The following RGS17 variants were observed in gnomAD, a reference collection of about 807,000 sequenced individuals.
The protein encoded by RGS17 is regulator of G protein signaling 17, also known as regulator of G-protein signaling 17.
A neutral mutation model predicts 25.5 loss-of-function variants in RGS17; 12 were observed. The observed-to-expected ratio is 0.47, with a 90% confidence interval of 0.30 to 0.76. The LOEUF (loss-of-function observed/expected upper bound fraction) is 0.76. Ranked by LOEUF, RGS17 falls within the 30% of genes least tolerant of loss-of-function variation. The pLI is 0.07. For missense variants in RGS17, 196 were observed against 242.2 expected (o/e 0.81, Z 1.27); for synonymous variants, 71 against 76.9 (o/e 0.92, Z 0.40).
intron 1 of RGS17, among the ~76,000 whole-genome samples, chr6:153,111,091 G>T (rs1777462919): frequency 1.3e-5 from 2 of 152,040 alleles, no homozygotes; most frequent in Non-Finnish European, 2.9e-5. Flanking sequence ...CAGTGAGACA[G>T]AACTGTTCAC....
At chr6:153,098,203 A>G (rs1262153736) in intron 1 of RGS17, among the ~76,000 whole-genome samples, 2 of 152,260 alleles carry the variant, frequency 1.3e-5, no homozygotes, top group East Asian at 3.9e-4. Context: ...AAAAGAGGGA[A>G]ATATAGAGTC....
intron 1 of RGS17, among the ~76,000 whole-genome samples, chr6:153,077,951 G>A (rs1442808748): frequency 6.6e-6 from 1 of 151,596 alleles, no homozygotes; most frequent in Admixed American, 6.6e-5. Flanking sequence ...TCAGCTCAAC[G>A]CAACCTCTGC....
chr6:153,091,402 A>G (rs901859926), intron 1 of RGS17, among the ~76,000 whole-genome samples: 1 of 152,208 alleles, frequency 6.6e-6, no homozygotes, highest in African/African-American at 2.4e-5. Flanking sequence ...GTCTTCATTA[A>G]TGGCTGTTGA....
intron 4 of RGS17, among the ~76,000 whole-genome samples, 180 bp from the exon 5 acceptor site, chr6:153,011,942 C>A (rs1584116255): frequency 1.3e-5 from 1 of 74,970 alleles, no homozygotes; most frequent in Non-Finnish European, 2.8e-5. Flanking sequence ...AAAATTTGCA[C>A]TAAATAAAAA....
intron 1 of RGS17, among the ~76,000 whole-genome samples, chr6:153,107,060 T>G (rs1364856256): frequency 1.3e-5 from 2 of 151,772 alleles, no homozygotes; most frequent in Admixed American, 6.6e-5. Context: ...AAGCCGGGCA[T>G]GGTGGCTCAC....
chr6:153,131,234 C>T lies in RGS17; in HGVS notation c.-136G>A, dbSNP rs1777788859. On this transcript the variant is annotated 5_prime_UTR_variant, in exon 1 of 5. Coordinates refer to ENST00000206262, the MANE Select transcript of RGS17 (RefSeq NM_012419.5). Reference sequence around the variant, plus strand: ...CTGCCATCCGCCCAACTTCAGCACCCAGCGGGCGAGGAGAGAGGGAGAGCG... The same window carrying T: ...CTGCCATCCGCCCAACTTCAGCACCTAGCGGGCGAGGAGAGAGGGAGAGCG... 1 of 149,288 alleles carries T rather than the reference C, an allele frequency of 6.7e-6. No individual in the cohort carries two copies. Among genetic ancestry groups the T allele is most frequent in the Non-Finnish European group, 1.5e-5 (1 of 67,376 alleles). The allele number at this position is 149,288 out of a possible 1,614,324, so 9.2% of individuals were successfully genotyped here.
Position 153,070,702 on chromosome 6 carries a change from T to TAC in RGS17, c.-25-26660_-25-26659insGT, listed in dbSNP as rs71017578. The stretch of plus-strand genomic sequence containing the variant: ...GTGTGTGTGTGTGTGTGTGTGTGTG[T>TAC]ATATACATATATATATACACATATA... On this transcript the variant is annotated intron_variant, in intron 1 of 4. Coordinates refer to ENST00000206262, the MANE Select transcript of RGS17 (RefSeq NM_012419.5). Among the ~76,000 whole-genome samples the TAC allele has an allele frequency of 6.8e-3, 729 of 107,428 alleles. 5 individuals carry two copies. The highest frequency in any genetic ancestry group is 0.023 in the African/African-American group (690 of 29,900). The allele number at this position is 107,428 out of a possible 152,430, so 70.5% of individuals were successfully genotyped here.
chr6:153,112,857 C>G (rs1226489915), intron 1 of RGS17, among the ~76,000 whole-genome samples: 1 of 152,158 alleles, frequency 6.6e-6, no homozygotes, highest in African/African-American at 2.4e-5. Context: ...ACATCCTTTA[C>G]AGACAAGCAA....
At chr6:153,058,890 G>A (rs1177466412) in intron 1 of RGS17, among the ~76,000 whole-genome samples, 3 of 127,702 alleles carry the variant, frequency 2.3e-5, no homozygotes, top group Non-Finnish European at 3.3e-5. Flanking sequence ...GGGTATACTC[G>A]TTAGCGCATT....
intron 1 of RGS17, among the ~76,000 whole-genome samples, chr6:153,119,988 A>C (rs569743066): frequency 6.6e-6 from 1 of 152,324 alleles, no homozygotes; most frequent in Admixed American, 6.5e-5. Context: ...AGAAAGTACA[A>C]ATTCCTCCAA....
chr6:153,034,166 G>A (rs984792322), intron 2 of RGS17, among the ~76,000 whole-genome samples: 9 of 149,724 alleles, frequency 6.0e-5, no homozygotes, highest in African/African-American at 2.3e-4. Context: ...TTTCCAGTTA[G>A]TGTGTGTGTG....
At chr6:153,129,301 A>G (rs1777749446) in intron 1 of RGS17, among the ~76,000 whole-genome samples, 1 of 152,238 alleles carries the variant, frequency 6.6e-6, no homozygotes, top group African/African-American at 2.4e-5. Context: ...GCTTAACAAC[A>G]GTAACAACTG....
At chr6:153,072,303 G>A (rs115717313) in intron 1 of RGS17, among the ~76,000 whole-genome samples, 2,160 of 152,164 alleles carry the variant, frequency 0.014, 57 homozygotes, top group African/African-American at 0.049. Context: ...GTTATCATAG[G>A]TCTCAGCAAA....
intron 1 of RGS17, among the ~76,000 whole-genome samples, chr6:153,047,966 A>G (rs949863344): frequency 1.5e-4 from 23 of 152,072 alleles, no homozygotes; most frequent in Non-Finnish European, 2.9e-5. Flanking sequence ...CCTCGCTTTC[A>G]AATTTTGAAT....
rs1294701247 is a variant in RGS17 at position 153,106,514 on chromosome 6, C to CT, written c.-26+24609dup. On this transcript the variant is annotated intron_variant, in intron 1 of 4. Coordinates refer to ENST00000206262, the MANE Select transcript of RGS17 (RefSeq NM_012419.5). ...AATGGTTTGGGGTTTACATTCAGGACTTTTTTTTTTTCAGGAAGGGAGAAT... is the reference window on the plus strand; with the variant it reads ...AATGGTTTGGGGTTTACATTCAGGACTTTTTTTTTTTTCAGGAAGGGAGAAT... Among the ~76,000 whole-genome samples the CT allele has an allele frequency of 8.9e-3, 1,279 of 143,234 alleles. 6 individuals carry two copies. The highest frequency in any genetic ancestry group is 0.047 in the Middle Eastern group (13 of 276). 94.0% of individuals were successfully genotyped at this position (143,234 alleles called of 152,430 possible).
At chr6:153,082,491 A>T (rs892743186) in intron 1 of RGS17, among the ~76,000 whole-genome samples, 3 of 152,122 alleles carry the variant, frequency 2.0e-5, no homozygotes, top group Non-Finnish European at 4.4e-5. Flanking sequence ...ATCTTTTGTT[A>T]AGCCCATCCA....
chr6:153,110,997 C>T (rs1485692248), intron 1 of RGS17, among the ~76,000 whole-genome samples: 1 of 152,042 alleles, frequency 6.6e-6, no homozygotes, highest in Non-Finnish European at 1.5e-5. Context: ...GTTTCGAGCA[C>T]AAAACTGGGC....
rs931352352 is a variant in RGS17 at position 153,131,224 on chromosome 6, C to G, written c.-126G>C. 2 of 150,094 alleles carry G rather than the reference C, an allele frequency of 1.3e-5. No individual in the cohort carries two copies. Among genetic ancestry groups the G allele is most frequent in the African/African-American group, 2.4e-5 (1 of 40,972 alleles). The allele number at this position is 150,094 out of a possible 1,614,324, so 9.3% of individuals were successfully genotyped here. On this transcript the variant is annotated 5_prime_UTR_variant, in exon 1 of 5. Transcript: ENST00000206262. ...AGCCGGTTTGCTGCCATCCGCCCAA[C>G]TTCAGCACCCAGCGGGCGAGGAGAG... is the stretch of plus-strand genomic sequence containing the variant.
At chr6:153,129,100 T>C (rs1777746922) in intron 1 of RGS17, among the ~76,000 whole-genome samples, 1 of 152,234 alleles carries the variant, frequency 6.6e-6, no homozygotes, top group African/African-American at 2.4e-5. Flanking sequence ...ATTTATCTTA[T>C]TTAATAAGTA....
Sources: gnomAD v4.1 joint callset for allele counts (sites outside exome capture counted in the v4.1 genomes callset) on GRCh38, gnomAD v4.1.1 for gene constraint, MANE v1.5 for transcripts, NCBI Gene and HGNC (gene_info 2026-07-23, HGNC 2026-07-21) for gene names.